GRM3: variants seen among roughly 807,000 people sequenced by gnomAD.
The protein encoded by GRM3 is metabotropic glutamate receptor 3.
In GRM3, 26 loss-of-function variants were observed where a neutral mutation model predicts 70.5. That is an observed-to-expected ratio of 0.37 (90% CI 0.27 to 0.51). The LOEUF (loss-of-function observed/expected upper bound fraction) is 0.51, where lower values mean the gene tolerates loss of function less well. Among genes scored for constraint, GRM3 ranks in the 20% least tolerant of loss-of-function variants. The pLI is 0.93. For missense variants in GRM3, 859 were observed against 1,123.8 expected, an observed-to-expected ratio of 0.76 and a Z score of 3.37; for synonymous variants, 443 against 434.9, an observed-to-expected ratio of 1.02 and a Z score of -0.23.
chr7:86,837,214 C>T (rs1432988101), intron 3 of GRM3, among the ~76,000 whole-genome samples: 24 of 152,184 alleles, frequency 1.6e-4, no homozygotes, highest in Admixed American at 1.5e-3. Context: ...CACCTATATC[C>T]TTTAGACAAG....
At chr7:86,779,116 C>A (rs1320554772) in intron 2 of GRM3, among the ~76,000 whole-genome samples, 1 of 152,148 alleles carries the variant, frequency 6.6e-6, no homozygotes, top group Non-Finnish European at 1.5e-5. Context: ...AAATTCCCAT[C>A]TGTGAATGAG....
Position 86,838,859 on chromosome 7 carries a change from G to C in GRM3, c.1345G>C (p.Asp449His), listed in dbSNP as rs2116734526. The change falls in exon 4 of 6, where the codon GAT becomes CAT. Residue 449 changes from aspartate (D) to histidine (H), a missense_variant. Physicochemically the swap from Asp to His is moderately conservative, Grantham distance 81. Coordinates refer to ENST00000361669, the MANE Select transcript of GRM3 (RefSeq NM_000840.3). Reference sequence around the variant, plus strand: ...CACAGCTCCATTCAACCCAAATAAAGATGCAGATAGCATAGTCAAGTTTGA... The same window carrying C: ...CACAGCTCCATTCAACCCAAATAAACATGCAGATAGCATAGTCAAGTTTGA... The part of the protein sequence containing the change: ...NFTAPFNPNK[D>H]ADSIVKFDTF... 6.2e-7 allele frequency: 1 copy of C among 1,607,126 alleles called. No individual in the cohort carries two copies. The highest frequency in any genetic ancestry group is 8.5e-7 in the Non-Finnish European group (1 of 1,175,016).
chr7:86,772,864 C>A (rs1402988922), intron 2 of GRM3, among the ~76,000 whole-genome samples: 1 of 151,982 alleles, frequency 6.6e-6, no homozygotes, highest in Non-Finnish European at 1.5e-5. Flanking sequence ...GGATATGTTA[C>A]AATTGTACAT....
chr7:86,689,051 T>C (rs1332044550), intron 1 of GRM3, among the ~76,000 whole-genome samples: 1 of 150,510 alleles, frequency 6.6e-6, no homozygotes, highest in Admixed American at 6.6e-5. Flanking sequence ...GTCATTGCCA[T>C]TATCCTCATC....
chr7:86,824,846 AC>A (rs1224914015), intron 3 of GRM3, among the ~76,000 whole-genome samples: 1 of 152,116 alleles, frequency 6.6e-6, no homozygotes, highest in Non-Finnish European at 1.5e-5. Flanking sequence ...AGATAGATAC[AC>A]CCATAAGGTA....
chr7:86,857,590 G>A (rs1798874579), intron 5 of GRM3, among the ~76,000 whole-genome samples: 1 of 152,164 alleles, frequency 6.6e-6, no homozygotes, highest in African/African-American at 2.4e-5. Flanking sequence ...TAACTTAAAG[G>A]TGAAGCTAAC....
chr7:86,710,586 C>A (rs930300808), intron 1 of GRM3, among the ~76,000 whole-genome samples: 1 of 5,694 alleles, frequency 1.8e-4, no homozygotes, highest in African/African-American at 8.2e-4. Flanking sequence ...GGGGAGGGGG[C>A]GGGTGGTGGG....
rs755957876 is a variant in GRM3 at position 86,786,418 on chromosome 7, A to G, written c.626A>G (p.Asn209Ser). 6.2e-7 allele frequency: 1 copy of G among 1,614,182 alleles called. No individual in the cohort carries two copies. Among genetic ancestry groups the G allele is most frequent in the East Asian group, 2.2e-5 (1 of 44,858 alleles). Residue 209 changes from asparagine (N) to serine (S), a missense_variant, in exon 3 of 6, where the codon AAC (asparagine) becomes AGC (serine). Asn to Ser is a conservative substitution (Grantham distance 46, BLOSUM62 1). Coordinates refer to ENST00000361669, the MANE Select transcript of GRM3 (RefSeq NM_000840.3). This position sits in a 1 kb window ranked among gnomAD's most constrained non-coding sequence, Gnocchi z 6.0. ...KAMAEILRFF[N>S]WTYVSTVASE... ...ATGGCTGAGATCTTGCGCTTCTTCA[A>G]CTGGACCTACGTGTCCACAGTAGCC...
At chr7:86,852,877 T>C (rs1798779432) in intron 5 of GRM3, among the ~76,000 whole-genome samples, 1 of 152,214 alleles carries the variant, frequency 6.6e-6, no homozygotes, top group Admixed American at 6.6e-5. Context: ...GAATTGAAGT[T>C]ACTTCTCAAG....
intron 1 of GRM3, among the ~76,000 whole-genome samples, chr7:86,704,316 A>G (rs1184553379): frequency 1.3e-5 from 2 of 151,952 alleles, no homozygotes; most frequent in African/African-American, 4.8e-5. Context: ...GATAGTTATG[A>G]TTTATTCATA....
chr7:86,709,388 A>T (rs991485108), intron 1 of GRM3, among the ~76,000 whole-genome samples: 7 of 152,006 alleles, frequency 4.6e-5, no homozygotes, highest in Non-Finnish European at 8.8e-5. Flanking sequence ...CACTCATCTT[A>T]TAGGAGGCTG....
chr7:86,754,092 T>C (rs1796291051), intron 1 of GRM3, among the ~76,000 whole-genome samples: 1 of 152,114 alleles, frequency 6.6e-6, no homozygotes, highest in Admixed American at 6.6e-5. Context: ...GTTTAACTTA[T>C]CAATGGCATT....
At chr7:86,751,613 C>T (rs1385981867) in intron 1 of GRM3, among the ~76,000 whole-genome samples, 7 of 152,098 alleles carry the variant, frequency 4.6e-5, no homozygotes, top group African/African-American at 1.4e-4. Context: ...ACTCACTCTT[C>T]ACCTTTCTCT....
intron 1 of GRM3, among the ~76,000 whole-genome samples, chr7:86,679,719 T>C (rs1309326283): frequency 2.6e-5 from 4 of 152,098 alleles, no homozygotes; most frequent in Middle Eastern, 3.4e-3. Context: ...CCATCAGAAA[T>C]GGAGTCTTTT....
intron 1 of GRM3, among the ~76,000 whole-genome samples, chr7:86,727,830 A>G (rs1795626436): frequency 6.6e-6 from 1 of 152,118 alleles, no homozygotes; most frequent in Admixed American, 6.5e-5. Context: ...GCTTTTACAC[A>G]AACTTGTAAT....
chr7:86,856,607 AAAAG>A (rs1798852375), intron 5 of GRM3, among the ~76,000 whole-genome samples: 1 of 152,168 alleles, frequency 6.6e-6, no homozygotes, highest in Non-Finnish European at 1.5e-5. Flanking sequence ...AAAGTTAAAA[AAAAG>A]AAAGTCCACA....
At chr7:86,801,123 T>G (rs1279006326) in intron 3 of GRM3, among the ~76,000 whole-genome samples, 3 of 138,746 alleles carry the variant, frequency 2.2e-5, no homozygotes, top group Non-Finnish European at 4.5e-5. Flanking sequence ...CCAACTGGAG[T>G]GCAGTGGCAT....
chr7:86,825,403 A>G (rs1798211917), intron 3 of GRM3, among the ~76,000 whole-genome samples: 1 of 152,222 alleles, frequency 6.6e-6, no homozygotes, highest in Non-Finnish European at 1.5e-5. Flanking sequence ...TGACAAGTTC[A>G]CTTGAAATCT....
At chr7:86,698,515 A>T (rs1337493005) in intron 1 of GRM3, among the ~76,000 whole-genome samples, 2 of 143,806 alleles carry the variant, frequency 1.4e-5, no homozygotes, top group Non-Finnish European at 3.0e-5. Flanking sequence ...ATGTCTAAAA[A>T]GTATTTATAT....
Sources: allele counts gnomAD v4.1 joint callset (sites outside exome capture counted in the v4.1 genomes callset), GRCh38; gene constraint gnomAD v4.1.1; non-coding constraint Gnocchi (gnomAD v3.1); transcripts MANE v1.5; gene names NCBI Gene and HGNC (gene_info 2026-07-23, HGNC 2026-07-21).